Variants in GBP4 observed in about 807,000 individuals in gnomAD.
GBP4 encodes the protein guanylate-binding protein 4.
GBP4 carries 69 observed loss-of-function variants against 62.2 expected under a neutral mutation model. The ratio of observed to expected loss-of-function variants is 1.11; its 90% CI spans 0.91 to 1.36. The LOEUF is 1.36. Ranked by LOEUF, GBP4 falls within the 40% of genes most tolerant of loss-of-function variation. The pLI is 0.00. For synonymous variants in GBP4, 278 were observed against 274.6 expected, an observed-to-expected ratio of 1.01 and a Z score of -0.12; for missense variants, 697 against 759.3, an observed-to-expected ratio of 0.92 and a Z score of 0.96.
chr1:89,196,869 G>T (rs577218522), intron 2 of GBP4, among the ~76,000 whole-genome samples: 2 of 152,334 alleles, frequency 1.3e-5, no homozygotes, highest in African/African-American at 4.8e-5. Flanking sequence ...CCCTGAAGAG[G>T]TGAGCATAGA....
At chr1:89,186,652 T>G in intron 9 of GBP4, 126 bp from the exon 10 acceptor site, 1 of 842,046 alleles carries the variant, frequency 1.2e-6, no homozygotes, top group Non-Finnish European at 1.8e-6. Flanking sequence ...CTCTGAATTA[T>G]CTCACTAGCC....
intron 2 of GBP4, among the ~76,000 whole-genome samples, chr1:89,196,067 C>T (rs1045782374): frequency 6.6e-6 from 1 of 151,998 alleles, no homozygotes; most frequent in African/African-American, 2.4e-5. Context: ...TTCAGAAATC[C>T]CACTTCTGAG....
chr1:89,186,863 C>T, intron 9 of GBP4, 137 bp downstream of exon 9: 4 of 762,502 alleles, frequency 5.2e-6, no homozygotes, highest in South Asian at 1.9e-5. Flanking sequence ...ATTTGGTATC[C>T]AGAACTTATT....
intron 10 of GBP4, 67 bp downstream of exon 10, chr1:89,186,266 G>C: frequency 7.9e-7 from 1 of 1,273,288 alleles, no homozygotes; most frequent in South Asian, 1.4e-5. Flanking sequence ...CTAAAATTTT[G>C]GTCCTTCCTT....
At chr1:89,185,588 A>AC in intron 10 of GBP4, 119 bp from the exon 11 acceptor site, 1 of 623,102 alleles carries the variant, frequency 1.6e-6, no homozygotes, top group East Asian at 2.6e-5. Context: ...ATCTTAGAAA[A>AC]CGCTTTGATG....
Position 89,185,542 on chromosome 1 carries a change from A to G in GBP4, c.1708-73T>C, listed in dbSNP as rs1648013044. 3 of 780,550 alleles carry G rather than the reference A, an allele frequency of 3.8e-6. No individual in the cohort carries two copies. In the South Asian group the frequency reaches 5.0e-5, roughly 13 times the overall value. The allele number at this position is 780,550 out of a possible 1,614,324, so 48.4% of individuals were successfully genotyped here. On this transcript the variant is annotated intron_variant, in intron 10 of 10. Transcript: ENST00000355754. ...GGAGTCAGAGTTTTGTATTTAACTAATTCAACGTTTAAGCATATGTGTCTA... is the reference window on the plus strand; with the variant it reads ...GGAGTCAGAGTTTTGTATTTAACTAGTTCAACGTTTAAGCATATGTGTCTA...
At chr1:89,194,376 G>A (rs913648006) in intron 3 of GBP4, among the ~76,000 whole-genome samples, 4 of 151,478 alleles carry the variant, frequency 2.6e-5, no homozygotes, top group African/African-American at 4.8e-5. Context: ...TGTTTTGATC[G>A]CTTGACAAAC....
At chr1:89,189,679 G>A (rs753373569) in intron 7 of GBP4, among the ~76,000 whole-genome samples, 1 of 152,162 alleles carries the variant, frequency 6.6e-6, no homozygotes, top group Non-Finnish European at 1.5e-5. Context: ...GAAGATGGAT[G>A]GGTTTACCCA....
intron 1 of GBP4, among the ~76,000 whole-genome samples, chr1:89,198,450 A>G (rs1648406423): frequency 1.3e-5 from 2 of 152,176 alleles, no homozygotes; most frequent in Middle Eastern, 3.4e-3. Flanking sequence ...AAAATTAATA[A>G]AACAAACAAG....
At position 89,188,688 on chromosome 1, in the gene GBP4, C is replaced by T; in HGVS notation, c.1304G>A (p.Ser435Asn). The T allele has an allele frequency of 6.2e-7, 1 of 1,614,236 alleles. No individual in the cohort carries two copies. Among genetic ancestry groups the T allele is most frequent in the Non-Finnish European group, 8.5e-7 (1 of 1,180,038 alleles). The change falls in exon 8 of 11, where the codon AGC becomes AAC. Residue 435 changes from serine (S) to asparagine (N), a missense_variant. Transcript: ENST00000355754. Reference protein sequence around the residue: ...LKRLSEHLTESILRGIFSVPG... With the variant: ...LKRLSEHLTENILRGIFSVPG... The stretch of plus-strand genomic sequence containing the variant: ...AACAGAGAAAATTCCTCTCAAAATG[C>T]TTTCTGTCAGGTGCTCTGAAAGCCG...
intron 2 of GBP4, 104 bp from the exon 3 acceptor site, chr1:89,195,528 GA>G: frequency 7.3e-7 from 1 of 1,372,046 alleles, no homozygotes; most frequent in Non-Finnish European, 1.0e-6. Flanking sequence ...GCTGACAGGG[GA>G]AAAGGGTTGT....
chr1:89,184,667 AGAG>A lies in GBP4; in HGVS notation c.*584_*586del, dbSNP rs1023627691. On this transcript the variant is annotated 3_prime_UTR_variant, in exon 11 of 11. Transcript: ENST00000355754. Reference sequence around the variant, plus strand: ...AAACAAAGAGAACACATGGATACTCAGAGGAGAACAAGAGACACTGGGGTCTAC... The same window carrying A: ...AAACAAAGAGAACACATGGATACTCAGAGAACAAGAGACACTGGGGTCTAC... 49 of 152,370 alleles carry A rather than the reference AGAG, an allele frequency of 3.2e-4. No homozygotes were observed. Among genetic ancestry groups the A allele is most frequent in the African/African-American group, 1.1e-3 (47 of 41,560 alleles). The allele number at this position is 152,370 out of a possible 1,614,324, so 9.4% of individuals were successfully genotyped here. A position where few individuals can be genotyped will look rare whatever the true frequency, so the allele number is the denominator to read the frequency against.
rs779132251 is a variant in GBP4 at position 89,193,038 on chromosome 1, T to A, written c.536A>T (p.Glu179Val). 11 of 1,614,108 alleles carry A rather than the reference T, an allele frequency of 6.8e-6. No individual in the cohort carries two copies. The South Asian group carries it at 1.2e-4, about 18-fold the overall frequency. The part of the protein sequence containing the change: ...AKSCPRPDEA[E>V]DSSEFASFFP... Reference sequence around the variant, plus strand: ...GAAACTCGCAAACTCGCTGGAGTCCTCAGCTTCATCAGGTCTGGGGCAGGA... The same window carrying A: ...GAAACTCGCAAACTCGCTGGAGTCCACAGCTTCATCAGGTCTGGGGCAGGA... Residue 179 changes from glutamate (E) to valine (V), a missense_variant, in exon 5 of 11, where the codon GAG becomes GTG. By Grantham distance (121) the Glu-to-Val change is moderately radical (BLOSUM62 -2). Transcript: ENST00000355754.
chr1:89,186,790 T>C (rs1648049617), intron 9 of GBP4, among the ~76,000 whole-genome samples: 1 of 152,238 alleles, frequency 6.6e-6, no homozygotes, highest in Non-Finnish European at 1.5e-5. Context: ...CCCTCCTCTA[T>C]AGTAAGAGAA....
Position 89,198,856 on chromosome 1 carries a change from G to A in GBP4, c.-22C>T, listed in dbSNP as rs756255474. ...CCATTGCTCTGTCCTCCTGCGCCTGGATCCTCGAGAAACGGACTGTTCTTA... is the reference window on the plus strand; with the variant it reads ...CCATTGCTCTGTCCTCCTGCGCCTGAATCCTCGAGAAACGGACTGTTCTTA... On this transcript the variant is annotated 5_prime_UTR_variant, in exon 1 of 11. Transcript: ENST00000355754. 6.2e-7 allele frequency: 1 copy of A among 1,611,942 alleles called. No individual in the cohort carries two copies. The highest frequency in any genetic ancestry group is 1.3e-5 in the African/African-American group (1 of 74,842).
rs776959476 is a variant in GBP4, at chr1:89,197,132, A to C, written c.213T>G (p.Asn71Lys). ...LYRTGKSYLM[N>K]RLAGKRNGFP... ...CACCATTGCGCTTTCCTGCAAGACG[A>C]TTCATGAGATAGGATTTTCCTGTGC... The change falls in exon 2 of 11, where the codon AAT (asparagine) becomes AAG (lysine). Residue 71 changes from asparagine (N) to lysine (K), a missense_variant. Asn to Lys is a moderately conservative substitution (Grantham distance 94). Around this residue, in one of 2 missense-constraint regions of GBP4, gnomAD observed 556 missense variants for 562.7 expected, o/e 0.99. Coordinates refer to ENST00000355754, the MANE Select transcript of GBP4 (RefSeq NM_052941.5). 6.2e-7 allele frequency: 1 copy of C among 1,613,516 alleles called. No individual in the cohort carries two copies. Among genetic ancestry groups the C allele is most frequent in the East Asian group, 2.2e-5 (1 of 44,872 alleles).
In GBP4 at chr1:89,182,975, T is replaced by C. The variant is rs574310798; in HGVS notation, c.*2279A>G. On this transcript the variant is annotated 3_prime_UTR_variant, in exon 11 of 11. Coordinates refer to ENST00000355754, the MANE Select transcript of GBP4 (RefSeq NM_052941.5). ...GCACTAGACAGCAGAAATAAATTCC[T>C]AAAATGTTGAGTTGAGCAAATAGTT... 6 of 152,176 alleles carry C rather than the reference T, an allele frequency of 3.9e-5. No homozygotes were observed. Among genetic ancestry groups the C allele is most frequent in the Non-Finnish European group, 7.3e-5 (5 of 68,032 alleles). 9.4% of individuals were successfully genotyped at this position (152,176 alleles called of 1,614,324 possible). A position where few individuals can be genotyped will look rare whatever the true frequency, so the allele number is the denominator to read the frequency against.
chr1:89,195,452 A>G, intron 2 of GBP4, 28 bp from the exon 3 acceptor site: 1 of 1,612,664 alleles, frequency 6.2e-7, no homozygotes. Context: ...AATAACAAAC[A>G]GTAACAGTGG....
intron 4 of GBP4, 84 bp from the exon 5 acceptor site, chr1:89,193,184 T>C: frequency 6.5e-7 from 1 of 1,535,476 alleles, no homozygotes; most frequent in East Asian, 2.3e-5. Flanking sequence ...CACGTTCCCT[T>C]TTGCACTCTG....
Sources: gnomAD v4.1 joint callset for allele counts (sites outside exome capture counted in the v4.1 genomes callset) on GRCh38, gnomAD v4.1.1 for gene constraint, gnomAD v4.1.1 regional missense constraint, MANE v1.5 for transcripts, NCBI Gene and HGNC (gene_info 2026-07-23, HGNC 2026-07-21) for gene names.